The following AQP9 variants were observed in gnomAD, a reference collection of about 807,000 sequenced individuals.
AQP9 encodes aquaporin-9.
AQP9 carries 19 observed loss-of-function variants against 23.8 expected under a neutral mutation model. The observed-to-expected ratio is 0.80, with a 90% CI of 0.56 to 1.17. The LOEUF (loss-of-function observed/expected upper bound fraction) is 1.17, where lower values mean the gene tolerates loss of function less well. Ranked by LOEUF, AQP9 falls within the 50% of genes most tolerant of loss-of-function variation. AQP9 has a pLI of 0.00. For synonymous variants in AQP9, 153 were observed against 131.5 expected, an observed-to-expected ratio of 1.16 and a Z score of -1.12; for missense variants, 413 against 362.0, an observed-to-expected ratio of 1.14 and a Z score of -1.14.
intron 4 of AQP9, among the ~76,000 whole-genome samples, chr15:58,178,349 C>T (rs192079023): frequency 1.3e-3 from 192 of 152,084 alleles, no homozygotes; most frequent in African/African-American, 4.5e-3. Flanking sequence ...ATACAGTAGA[C>T]TAAAAAAAGA....
intron 5 of AQP9, among the ~76,000 whole-genome samples, chr15:58,182,655 C>T (rs1305150886): frequency 1.3e-5 from 2 of 152,144 alleles, no homozygotes; most frequent in Non-Finnish European, 2.9e-5. Context: ...CTAGAAAAAT[C>T]CATCTGGATT....
chr15:58,142,189 A>G (rs12917145), intron 1 of AQP9, among the ~76,000 whole-genome samples: 7 of 152,134 alleles, frequency 4.6e-5, no homozygotes, highest in Non-Finnish European at 8.8e-5. Context: ...CGCTTGTCCA[A>G]ATTCTCGTTC....
chr15:58,152,622 A>C (rs747029557), intron 1 of AQP9: 2 of 152,106 alleles, frequency 1.3e-5, no homozygotes, highest in Non-Finnish European at 2.9e-5. Flanking sequence ...TTATTATACC[A>C]CTATTATAAA....
intron 1 of AQP9, among the ~76,000 whole-genome samples, chr15:58,145,075 C>A (rs1339194548): frequency 6.6e-6 from 1 of 150,876 alleles, no homozygotes; most frequent in Non-Finnish European, 1.5e-5. Flanking sequence ...GTGACATCCT[C>A]TTTTCAATTT....
chr15:58,178,278 AATGTT>A (rs1210954625), intron 4 of AQP9, among the ~76,000 whole-genome samples: 10 of 152,210 alleles, frequency 6.6e-5, no homozygotes, highest in South Asian at 4.1e-4. Context: ...TTTTTCACTT[AATGTT>A]ATAAGTATTT....
In AQP9 at chr15:58,174,967, T is replaced by C. The variant is rs370300838; in HGVS notation, c.426T>C (p.Asn142=). 8.7e-6 allele frequency: 14 copies of C among 1,614,222 alleles called. No individual in the cohort carries two copies. Among genetic ancestry groups the C allele is most frequent in the Admixed American group, 3.3e-5 (2 of 60,032 alleles). The part of the protein sequence containing the change: ...AGGKLLIVGE[N]ATAHIFATYP... ...GAAAACTGCTGATCGTGGGAGAAAA[T>C]GCAACAGCACACATTTTTGCAACAT... is the stretch of plus-strand genomic sequence containing the variant. Residue 142 remains asparagine, a synonymous_variant, in exon 4 of 6, where the codon AAT becomes AAC. Coordinates refer to ENST00000219919, the MANE Select transcript of AQP9 (RefSeq NM_020980.5).
chr15:58,141,322 T>G (rs1285877263), intron 1 of AQP9, among the ~76,000 whole-genome samples: 1 of 152,214 alleles, frequency 6.6e-6, no homozygotes, highest in African/African-American at 2.4e-5. Context: ...AGCAAGCAGC[T>G]GTATTTCCTC....
intron 2 of AQP9, among the ~76,000 whole-genome samples, chr15:58,168,461 T>C (rs1288024655): frequency 6.6e-6 from 1 of 152,034 alleles, no homozygotes; most frequent in Non-Finnish European, 1.5e-5. Context: ...TTTGTAGCAC[T>C]GAAGAACGAT....
chr15:58,181,469 TG>T (rs1173169564), intron 5 of AQP9, among the ~76,000 whole-genome samples: 1 of 151,756 alleles, frequency 6.6e-6, no homozygotes, highest in African/African-American at 2.4e-5. Context: ...ATTATGGGAG[TG>T]GAAGTGGGAA....
At chr15:58,140,969 T>C (rs759737965) in intron 1 of AQP9, among the ~76,000 whole-genome samples, 2 of 152,192 alleles carry the variant, frequency 1.3e-5, no homozygotes, top group Non-Finnish European at 2.9e-5. Context: ...TAAGGCCTAC[T>C]GGTAGCATTA....
At chr15:58,148,370 C>G (rs1307029279) in intron 1 of AQP9, among the ~76,000 whole-genome samples, 1 of 152,222 alleles carries the variant, frequency 6.6e-6, no homozygotes, top group Non-Finnish European at 1.5e-5. Context: ...GTCTTCAGCT[C>G]TACTTAACCA....
chr15:58,150,302 A>T (rs1898124776), intron 1 of AQP9: 1 of 152,434 alleles, frequency 6.6e-6, no homozygotes, highest in Non-Finnish European at 1.5e-5. Context: ...CATATACTTC[A>T]CCCTCCTACA....
At chr15:58,151,331 G>C (rs1397139550) in intron 1 of AQP9, 1 of 152,034 alleles carries the variant, frequency 6.6e-6, no homozygotes, top group South Asian at 2.1e-4. Context: ...AATGCTAAAA[G>C]TTATTATTCC....
intron 1 of AQP9, 151 bp from the exon 2 acceptor site, chr15:58,166,522 G>A (rs189743436): frequency 5.8e-6 from 6 of 1,039,704 alleles, no homozygotes; most frequent in African/African-American, 1.6e-5. Context: ...TTTGCTATCT[G>A]TGTATAGCTG....
chr15:58,168,135 T>C (rs1334368824), intron 2 of AQP9, among the ~76,000 whole-genome samples: 1 of 151,940 alleles, frequency 6.6e-6, no homozygotes, highest in East Asian at 1.9e-4. Flanking sequence ...AATTCTACCT[T>C]CTGCCACCTC....
chr15:58,183,620 G>A (rs2140638815), intron 5 of AQP9, among the ~76,000 whole-genome samples: 1 of 152,224 alleles, frequency 6.6e-6, no homozygotes, highest in South Asian at 2.1e-4. Context: ...CATTATTTCA[G>A]GATGAGGGAA....
chr15:58,176,544 A>G (rs1009312677), intron 4 of AQP9, among the ~76,000 whole-genome samples: 3 of 151,884 alleles, frequency 2.0e-5, no homozygotes, highest in East Asian at 1.9e-4. Context: ...CGACCATATT[A>G]TAATAGAAAT....
At chr15:58,143,614 T>C (rs1177959281) in intron 1 of AQP9, among the ~76,000 whole-genome samples, 3 of 152,216 alleles carry the variant, frequency 2.0e-5, no homozygotes, top group Admixed American at 1.3e-4. Context: ...TAAGAATATA[T>C]ATTATAGTTT....
rs1898971116 is a variant in AQP9, at chr15:58,184,480, T to C, written c.*345T>C. 9.9e-6 allele frequency: 2 copies of C among 201,294 alleles called. No individual in the cohort carries two copies. The highest frequency in any genetic ancestry group is 2.7e-4 in the South Asian group (2 of 7,322). The allele number at this position is 201,294 out of a possible 1,614,324, so 12.5% of individuals were successfully genotyped here. The stretch of plus-strand genomic sequence containing the variant: ...CATTTGGGTGGTTTCAGCTGCACTA[T>C]CTGTATGAAATGGTGTCACCAAAAC... On this transcript the variant is annotated 3_prime_UTR_variant, in exon 6 of 6. Coordinates refer to ENST00000219919, the MANE Select transcript of AQP9 (RefSeq NM_020980.5).
Sources: gnomAD v4.1 joint callset for allele counts (sites outside exome capture counted in the v4.1 genomes callset) on GRCh38, gnomAD v4.1.1 for gene constraint, MANE v1.5 for transcripts, NCBI Gene and HGNC (gene_info 2026-07-23, HGNC 2026-07-21) for gene names.